Variants in STRAP observed in about 807,000 individuals in gnomAD.
STRAP encodes the protein serine/threonine kinase receptor associated protein.
A neutral mutation model predicts 47.0 loss-of-function variants in STRAP; 16 were observed. The observed-to-expected ratio is 0.34, with a 90% CI of 0.23 to 0.52. STRAP has a LOEUF of 0.52. Ranked by LOEUF, STRAP falls within the 20% of genes least tolerant of loss-of-function variation. STRAP has a pLI of 0.96. For synonymous variants in STRAP, 130 were observed against 142.7 expected (o/e 0.91, Z 0.63); for missense variants, 293 against 420.0 (o/e 0.70, Z 2.64).
At chr12:15,884,507 CTT>C (rs879449752) in intron 2 of STRAP, among the ~76,000 whole-genome samples, 5 of 140,934 alleles carry the variant, frequency 3.5e-5, no homozygotes, top group Admixed American at 7.1e-5. Context: ...ATTTTTAAAA[CTT>C]TTTTTTTTTT....
At chr12:15,895,555 T>C in intron 6 of STRAP, 59 bp downstream of exon 6, 1 of 1,552,180 alleles carries the variant, frequency 6.4e-7, no homozygotes, top group Middle Eastern at 1.7e-4. Flanking sequence ...TTTTGGCTAC[T>C]TAAAAATGGG....
intron 6 of STRAP, 129 bp downstream of exon 6, chr12:15,895,625 G>A (rs73321474): frequency 4.3e-5 from 41 of 958,804 alleles, no homozygotes; most frequent in South Asian, 2.0e-4. Flanking sequence ...GCCTATAATC[G>A]CAGTACCTTG....
chr12:15,882,896 C>G (rs533223528), intron 1 of STRAP, 77 bp downstream of exon 1: 14 of 1,473,158 alleles, frequency 9.5e-6, no homozygotes, highest in Admixed American at 5.8e-5. Context: ...GCTCCAGTGC[C>G]GAAGCGGTGG....
chr12:15,898,285 C>T (rs763598606), intron 7 of STRAP: 16 of 200,150 alleles, frequency 8.0e-5, no homozygotes, highest in Non-Finnish European at 1.3e-4. Flanking sequence ...TATTATGGTA[C>T]AGTGAGTTTT....
intron 4 of STRAP, among the ~76,000 whole-genome samples, chr12:15,892,563 C>A (rs556916003): frequency 1.3e-5 from 2 of 152,118 alleles, no homozygotes; most frequent in African/African-American, 4.8e-5. Flanking sequence ...GAGTCAGAAC[C>A]ACATTGGAAA....
At chr12:15,901,658 C>T (rs919253009) in intron 9 of STRAP, among the ~76,000 whole-genome samples, 6 of 151,908 alleles carry the variant, frequency 3.9e-5, no homozygotes, top group African/African-American at 1.5e-4. Context: ...CTTGGTAGTT[C>T]AAGACCAACC....
chr12:15,892,863 G>C (rs1185540932), intron 4 of STRAP, among the ~76,000 whole-genome samples: 1 of 152,124 alleles, frequency 6.6e-6, no homozygotes, highest in Non-Finnish European at 1.5e-5. Flanking sequence ...TCAGGGATTG[G>C]GTTGACATTT....
At position 15,903,044 on chromosome 12, in the gene STRAP, C is replaced by T; in HGVS notation, c.*66C>T. On this transcript the variant is annotated 3_prime_UTR_variant, in exon 10 of 10. Transcript: ENST00000419869. ...CAAGCAAGCAGAGAAAAGCATCAGCCTTCCAGAGTTACTGTCTGCTTAAGG... is the reference window on the plus strand; with the variant it reads ...CAAGCAAGCAGAGAAAAGCATCAGCTTTCCAGAGTTACTGTCTGCTTAAGG... 1 of 1,433,348 alleles carries T rather than the reference C, an allele frequency of 7.0e-7. No individual in the cohort carries two copies. 88.8% of individuals were successfully genotyped at this position (1,433,348 alleles called of 1,614,324 possible).
At chr12:15,898,138 T>C (rs1231873085) in intron 7 of STRAP, 120 bp downstream of exon 7, 2 of 942,240 alleles carry the variant, frequency 2.1e-6, no homozygotes, top group African/African-American at 3.5e-5. Flanking sequence ...ATTTTTCAGC[T>C]AACTTAAGCT....
In STRAP at chr12:15,890,088, T is replaced by G. The variant is rs905892842; in HGVS notation, c.330+79T>G. ...ATAATGCTTTTATACTTGATTGGTG[T>G]GTATATTTGATTGATATGTTTTGTG... On this transcript the variant is annotated intron_variant, in intron 3 of 9. Coordinates refer to ENST00000419869, the MANE Select transcript of STRAP (RefSeq NM_007178.4). The surrounding 1 kb of genome is among the most constrained non-coding windows in gnomAD (Gnocchi z 4.5). 2 of 1,224,902 alleles carry G rather than the reference T, an allele frequency of 1.6e-6. No individual in the cohort carries two copies. The highest frequency in any genetic ancestry group is 3.0e-5 in the African/African-American group (2 of 66,836). 75.9% of individuals were successfully genotyped at this position (1,224,902 alleles called of 1,614,324 possible).
intron 9 of STRAP, among the ~76,000 whole-genome samples, chr12:15,902,552 A>T (rs1948113816): frequency 6.6e-6 from 1 of 152,242 alleles, no homozygotes. Flanking sequence ...TTTAAATAGC[A>T]CTAAATATTA....
At chr12:15,898,684 A>C (rs1416482731) in intron 7 of STRAP, among the ~76,000 whole-genome samples, 1 of 152,176 alleles carries the variant, frequency 6.6e-6, no homozygotes, top group Non-Finnish European at 1.5e-5. Flanking sequence ...ACATAGTTAC[A>C]TGTGGTTCTC....
chr12:15,895,398 A>T lies in STRAP; in HGVS notation c.540A>T (p.Leu180=), dbSNP rs1479523977. 5.0e-6 allele frequency: 8 copies of T among 1,596,294 alleles called. No individual in the cohort carries two copies. Among genetic ancestry groups the T allele is most frequent in the Non-Finnish European group, 6.8e-6 (8 of 1,175,232 alleles). The change falls in exon 6 of 10, where the codon CTA becomes CTT. Residue 180 remains leucine, a synonymous_variant. Coordinates refer to ENST00000419869, the MANE Select transcript of STRAP (RefSeq NM_007178.4). ...CTACTATGACAGAAGTGAAATCTCT[A>T]AATTTTAATATGTCTGTTAGTAGTA... The part of the protein sequence containing the change: ...DHATMTEVKS[L]NFNMSVSSME...
In STRAP at chr12:15,894,687, A is replaced by G. The variant is rs1473815737; in HGVS notation, c.500+544A>G. Among the ~76,000 whole-genome samples the G allele has an allele frequency of 1.3e-5, 2 of 152,204 alleles. No homozygotes were observed. The highest frequency in any genetic ancestry group is 4.8e-5 in the African/African-American group (2 of 41,452). On this transcript the variant is annotated intron_variant, in intron 5 of 9. Transcript: ENST00000419869. This position sits in a 1 kb window ranked among gnomAD's most constrained non-coding sequence, Gnocchi z 4.9. ...GACTTTGAGTGCCGACTTGATGCTT[A>G]AAGGAAATGCTCATTGGAGCATTTT...
intron 7 of STRAP, among the ~76,000 whole-genome samples, chr12:15,898,811 A>G (rs1353530827): frequency 2.0e-5 from 3 of 152,060 alleles, no homozygotes; most frequent in African/African-American, 2.4e-5. Context: ...GTCTGTTTCT[A>G]GCTGCCCTGC....
intron 7 of STRAP, 96 bp from the exon 8 acceptor site, chr12:15,899,808 C>T (rs4485160): frequency 1 from 1,228,340 of 1,231,344 alleles, 612,732 homozygotes; most frequent in East Asian, 1. Context: ...TAAGAATTTT[C>T]CATCTCCCCA....
chr12:15,883,890 A>G (rs1042793024), intron 2 of STRAP, among the ~76,000 whole-genome samples: 7 of 152,166 alleles, frequency 4.6e-5, no homozygotes, highest in Admixed American at 2.6e-4. Flanking sequence ...GGCCTAAATG[A>G]CTTATTCCGT....
intron 1 of STRAP, chr12:15,883,072 TA>T (rs1034472753): frequency 1.5e-5 from 23 of 1,535,554 alleles, no homozygotes; most frequent in Non-Finnish European, 2.0e-5. Context: ...TTTTTATTGC[TA>T]TTTTTGAAGG....
At chr12:15,900,681 C>G (rs557381975) in intron 8 of STRAP, among the ~76,000 whole-genome samples, 1 of 152,154 alleles carries the variant, frequency 6.6e-6, no homozygotes, top group Non-Finnish European at 1.5e-5. Context: ...GTATTACTCA[C>G]TGATCCACAC....
Sources: allele counts gnomAD v4.1 joint callset (sites outside exome capture counted in the v4.1 genomes callset), GRCh38; gene constraint gnomAD v4.1.1; non-coding constraint Gnocchi (gnomAD v3.1); transcripts MANE v1.5; gene names NCBI Gene and HGNC (gene_info 2026-07-23, HGNC 2026-07-21).